PDE10A: variants seen among roughly 807,000 people sequenced by gnomAD.
PDE10A encodes the protein cAMP and cAMP-inhibited cGMP 3',5'-cyclic phosphodiesterase 10A.
A neutral mutation model predicts 97.7 loss-of-function variants in PDE10A; 39 were observed. The ratio of observed to expected loss-of-function variants is 0.40; its 90% confidence interval spans 0.31 to 0.52. PDE10A has a LOEUF of 0.52. Ranked by LOEUF, PDE10A falls within the 20% of genes least tolerant of loss-of-function variation. The pLI is 0.56. For synonymous variants in PDE10A, 371 were observed against 376.8 expected, an observed-to-expected ratio of 0.98 and a Z score of 0.18; for missense variants, 731 against 1,047.8, an observed-to-expected ratio of 0.70 and a Z score of 4.17.
In PDE10A at chr6:165,655,305, C is replaced by T. The variant is rs997422490; in HGVS notation, c.865+6642G>A. Among the ~76,000 whole-genome samples the T allele has an allele frequency of 1.3e-5, 2 of 152,154 alleles. No homozygotes were observed. The highest frequency in any genetic ancestry group is 4.8e-5 in the African/African-American group (2 of 41,440). The stretch of plus-strand genomic sequence containing the variant: ...TCAAATCCTCCCAGGCTTTGTTTAT[C>T]CAACTGCCTTCCTAGCATATGCATC... On this transcript the variant is annotated intron_variant, in intron 1 of 21. Transcript: ENST00000539869. This position sits in a 1 kb window ranked among gnomAD's most constrained non-coding sequence, Gnocchi z 4.5.
chr6:165,400,680 C>T (rs1214971246), intron 13 of PDE10A, among the ~76,000 whole-genome samples: 1 of 152,140 alleles, frequency 6.6e-6, no homozygotes, highest in Admixed American at 6.6e-5. Flanking sequence ...AGACCCCTCC[C>T]ATGTTACCCA....
intron 1 of PDE10A, among the ~76,000 whole-genome samples, chr6:165,746,746 A>G (rs1010377673): frequency 2.0e-5 from 3 of 152,248 alleles, no homozygotes; most frequent in African/African-American, 4.8e-5. Flanking sequence ...CATTTTGCCT[A>G]TGGCAGATGG....
intron 3 of PDE10A, among the ~76,000 whole-genome samples, chr6:165,461,725 G>A (rs952378944): frequency 1.1e-4 from 17 of 152,314 alleles, no homozygotes; most frequent in Middle Eastern, 6.8e-3. Context: ...TCAAATGGCC[G>A]ATCACCTAGT....
rs75167991 is a variant in PDE10A, at chr6:165,344,021, C to T, written c.2784-519G>A. On this transcript the variant is annotated intron_variant, in intron 18 of 21. Transcript: ENST00000539869. ...GTGCAACCTGGTTCCTCACTCTCCCCGTGCAAGTGTGTGAGCTGGATGCAG... is the reference window on the plus strand; with the variant it reads ...GTGCAACCTGGTTCCTCACTCTCCCTGTGCAAGTGTGTGAGCTGGATGCAG... Among the ~76,000 whole-genome samples, 220 of 152,332 alleles carry T rather than the reference C, an allele frequency of 1.4e-3. 1 individual carries two copies. The highest frequency in any genetic ancestry group is 4.7e-3 in the African/African-American group (197 of 41,584).
At chr6:165,549,497 T>C (rs1783906064) in intron 1 of PDE10A, among the ~76,000 whole-genome samples, 1 of 152,256 alleles carries the variant, frequency 6.6e-6, no homozygotes, top group Admixed American at 6.5e-5. Flanking sequence ...GCCAATTTTT[T>C]GTATTTTTAG....
intron 1 of PDE10A, among the ~76,000 whole-genome samples, chr6:165,684,268 A>G (rs185107144): frequency 2.0e-5 from 3 of 152,258 alleles, no homozygotes; most frequent in Admixed American, 2.0e-4. Context: ...TCACTGCTAT[A>G]CCCCAGAACA....
At chr6:165,778,496 C>A (rs915520984) in intron 1 of PDE10A, among the ~76,000 whole-genome samples, 10 of 152,186 alleles carry the variant, frequency 6.6e-5, no homozygotes, top group African/African-American at 2.4e-4. Context: ...GGGCTGTCTC[C>A]AAAGCTGCTC....
intron 1 of PDE10A, among the ~76,000 whole-genome samples, chr6:165,953,995 T>C (rs552252449): frequency 5.3e-5 from 8 of 152,356 alleles, no homozygotes; most frequent in Non-Finnish European, 1.2e-4. Flanking sequence ...CAGAAACCAA[T>C]ATAGCTGGAA....
At chr6:165,732,048 G>A (rs533154744) in intron 1 of PDE10A, among the ~76,000 whole-genome samples, 4 of 152,106 alleles carry the variant, frequency 2.6e-5, no homozygotes, top group African/African-American at 9.7e-5. Context: ...CTGGATAAGC[G>A]CCCCTTCACT....
intron 2 of PDE10A, among the ~76,000 whole-genome samples, chr6:165,506,899 G>A (rs1781227454): frequency 6.6e-6 from 1 of 152,076 alleles, no homozygotes; most frequent in African/African-American, 2.4e-5. Flanking sequence ...ATTCTCTGAT[G>A]TCTTTGTCCC....
intron 17 of PDE10A, among the ~76,000 whole-genome samples, chr6:165,387,509 T>C (rs1386528304): frequency 6.6e-6 from 1 of 152,222 alleles, no homozygotes. Context: ...GCAAAAGCTT[T>C]TCTGCTTCGC....
chr6:165,739,602 C>T (rs1792669109), intron 1 of PDE10A, among the ~76,000 whole-genome samples: 1 of 150,774 alleles, frequency 6.6e-6, no homozygotes, highest in Admixed American at 6.6e-5. Flanking sequence ...TCATATGACC[C>T]CAAAATCACA....
chr6:165,614,285 A>C (rs138616120), intron 1 of PDE10A, among the ~76,000 whole-genome samples: 2 of 152,304 alleles, frequency 1.3e-5, no homozygotes, highest in East Asian at 1.9e-4. Context: ...ATCTTTAGTC[A>C]ATCCTCACCA....
intron 1 of PDE10A, among the ~76,000 whole-genome samples, chr6:165,927,647 C>CATATATATATATATATATATATAT (rs71029572): frequency 4.5e-4 from 33 of 73,208 alleles, no homozygotes; most frequent in South Asian, 2.3e-3. Flanking sequence ...ATGAGAATGA[C>CATATATATATATATATATATATAT]ATATATATAT....
intron 13 of PDE10A, among the ~76,000 whole-genome samples, chr6:165,397,283 C>A (rs149329081): frequency 3.3e-4 from 50 of 152,254 alleles, no homozygotes; most frequent in African/African-American, 1.0e-3. Flanking sequence ...TAATTAGGAA[C>A]TGTCTAAAGT....
chr6:165,386,929 T>TGGCGTGAATCCAGGAGGCGG (rs1785347499), intron 17 of PDE10A, among the ~76,000 whole-genome samples: 1 of 151,344 alleles, frequency 6.6e-6, no homozygotes, highest in Admixed American at 6.6e-5. Context: ...GGCAGGAGAA[T>TGGCGTGAATCCAGGAGGCGG]GGCGTGAATC....
Position 165,511,009 on chromosome 6 carries a change from T to C in PDE10A, c.995-28666A>G, listed in dbSNP as rs1035981423. 6.6e-5 allele frequency among the ~76,000 whole-genome samples: 10 copies of C among 152,102 alleles called. No individual in the cohort carries two copies. In the East Asian group the frequency reaches 1.2e-3, roughly 18 times the overall value. On this transcript the variant is annotated intron_variant, in intron 2 of 21. Coordinates refer to ENST00000539869, the MANE Select transcript of PDE10A (RefSeq NM_001385079.1). Reference sequence around the variant, plus strand: ...ATCCTTTTAGTTATTTTTAGTCTTATAATTTTTTAGTATTTCACTTAGGTC... The same window carrying C: ...ATCCTTTTAGTTATTTTTAGTCTTACAATTTTTTAGTATTTCACTTAGGTC...
chr6:165,337,755 C>CA (rs1403991753), intron 20 of PDE10A, among the ~76,000 whole-genome samples: 1 of 152,128 alleles, frequency 6.6e-6, no homozygotes, highest in Non-Finnish European at 1.5e-5. Context: ...AACACTAGAG[C>CA]AAAACCCATA....
chr6:165,889,275 C>T (rs765042311), intron 1 of PDE10A, among the ~76,000 whole-genome samples: 13 of 152,176 alleles, frequency 8.5e-5, no homozygotes, highest in Non-Finnish European at 1.6e-4. Context: ...CAGGTGCCAG[C>T]AGGAAGGAGA....
Sources: gnomAD v4.1 joint callset for allele counts (sites outside exome capture counted in the v4.1 genomes callset) on GRCh38, gnomAD v4.1.1 for gene constraint, Gnocchi (gnomAD v3.1) non-coding constraint, MANE v1.5 for transcripts, NCBI Gene and HGNC (gene_info 2026-07-23, HGNC 2026-07-21) for gene names.